The following KCNQ2 variants were observed in gnomAD, a reference collection of about 807,000 sequenced individuals.
KCNQ2 encodes the protein potassium voltage-gated channel subfamily Q member 2.
In KCNQ2, 14 loss-of-function variants were observed where a neutral mutation model predicts 84.8. The ratio of observed to expected loss-of-function variants is 0.17; its 90% CI spans 0.11 to 0.26. The LOEUF is 0.26. Ranked by LOEUF, KCNQ2 falls within the 10% of genes least tolerant of loss-of-function variation. The pLI, the probability that KCNQ2 is intolerant of heterozygous loss-of-function variation, is 1.00. For synonymous variants in KCNQ2, 599 were observed against 554.1 expected (o/e 1.08, Z -1.14); for missense variants, 788 against 1,254.0 (o/e 0.63, Z 5.61).
intron 12 of KCNQ2, among the ~76,000 whole-genome samples, chr20:63,418,551 C>T (rs907841330): frequency 1.3e-5 from 2 of 152,160 alleles, no homozygotes; most frequent in Non-Finnish European, 2.9e-5. Context: ...GGGCTCCCAC[C>T]CCCACTTTCA....
Position 63,459,457 on chromosome 20 carries a change from A to G in KCNQ2, c.297-12620T>C, listed in dbSNP as rs1425705178. On this transcript the variant is annotated intron_variant, in intron 1 of 16. Transcript: ENST00000359125. ...AGTCCAGGAGGTCCAGGCTGCAGTG[A>G]GCTGTGATTGAGACACTGCACTCCA... is the stretch of plus-strand genomic sequence containing the variant. 3 of 152,242 alleles carry G rather than the reference A, an allele frequency of 2.0e-5. No homozygotes were observed. In the East Asian group the frequency reaches 5.8e-4, roughly 29 times the overall value. 9.4% of individuals were successfully genotyped at this position (152,242 alleles called of 1,614,324 possible). A position where few individuals can be genotyped will look rare whatever the true frequency, so the allele number is the denominator to read the frequency against.
At chr20:63,420,595 C>G (rs187846768) in intron 11 of KCNQ2, among the ~76,000 whole-genome samples, 60 of 152,270 alleles carry the variant, frequency 3.9e-4, no homozygotes, top group African/African-American at 1.3e-3. Context: ...CTCCCGTCTT[C>G]CTGCGCACAC....
At chr20:63,421,590 C>G (rs934681275) in intron 11 of KCNQ2, among the ~76,000 whole-genome samples, 1 of 152,170 alleles carries the variant, frequency 6.6e-6, no homozygotes, top group Non-Finnish European at 1.5e-5. Flanking sequence ...ACAGTGAGCT[C>G]GAGACCCACA....
intron 12 of KCNQ2, among the ~76,000 whole-genome samples, chr20:63,418,381 G>C (rs2080364523): frequency 6.6e-6 from 1 of 152,208 alleles, no homozygotes. Context: ...GTGAAATTCA[G>C]ATGTGCGGTG....
intron 1 of KCNQ2, among the ~76,000 whole-genome samples, chr20:63,458,005 G>A (rs978086389): frequency 1.3e-5 from 2 of 152,120 alleles, no homozygotes; most frequent in African/African-American, 4.8e-5. Flanking sequence ...CAGACCACAG[G>A]TGCTGGACAG....
chr20:63,442,686 T>TCACCACCAC (rs1568933748), intron 4 of KCNQ2, among the ~76,000 whole-genome samples, 155 bp from the exon 5 acceptor site: 2 of 17,152 alleles, frequency 1.2e-4, no homozygotes, highest in East Asian at 1.6e-3. Flanking sequence ...ACCACCACCA[T>TCACCACCAC]CACCATCACC....
chr20:63,427,413 G>A (rs913815991), intron 10 of KCNQ2, among the ~76,000 whole-genome samples: 4 of 152,250 alleles, frequency 2.6e-5, no homozygotes, highest in African/African-American at 9.6e-5. Context: ...AGCCGCACGC[G>A]GCTCCCGGTA....
rs2079948649 is a variant in KCNQ2 at position 63,406,766 on chromosome 20, A to G, written c.2497T>C (p.Tyr833His). 1 of 1,612,478 alleles carries G rather than the reference A, an allele frequency of 6.2e-7. No homozygotes were observed. Among genetic ancestry groups the G allele is most frequent in the South Asian group, 1.1e-5 (1 of 91,034 alleles). ...GTGTCTGACTCTCCCTCCGCAATGT[A>G]GGGCCTGACTTTGGCACAAGGCGCC... ...AVAPCAKVRP[Y>H]IAEGESDTDS... Residue 833 changes from tyrosine (Y) to histidine (H), a missense_variant, in exon 17 of 17, where the codon TAC becomes CAC. Tyr to His is a moderately conservative substitution (Grantham distance 83, BLOSUM62 2). Transcript: ENST00000359125.
chr20:63,420,500 C>A (rs955189749), intron 11 of KCNQ2, among the ~76,000 whole-genome samples: 3 of 149,504 alleles, frequency 2.0e-5, no homozygotes, highest in Admixed American at 6.7e-5. Flanking sequence ...TGAGACAGCA[C>A]TTCTCAAACT....
At chr20:63,424,266 C>T in intron 10 of KCNQ2, 60 bp from the exon 11 acceptor site, 1 of 1,537,538 alleles carries the variant, frequency 6.5e-7, no homozygotes, top group African/African-American at 1.4e-5. Context: ...GAGGGTCCCC[C>T]AACCAGTCCA....
intron 4 of KCNQ2, among the ~76,000 whole-genome samples, 185 bp from the exon 5 acceptor site, chr20:63,442,716 CCACCACCAT>C (rs2081215924): frequency 1.8e-5 from 1 of 56,466 alleles, no homozygotes; most frequent in Non-Finnish European, 3.4e-5. Flanking sequence ...ATCACCACCA[CCACCACCAT>C]CATCACCACC....
chr20:63,436,837 C>T (rs2081025343), intron 7 of KCNQ2, among the ~76,000 whole-genome samples: 1 of 136,042 alleles, frequency 7.4e-6, no homozygotes, highest in Non-Finnish European at 1.5e-5. Flanking sequence ...AATGCAGTGG[C>T]GCAATCTCGG....
chr20:63,435,011 G>A (rs1340911417), intron 7 of KCNQ2, among the ~76,000 whole-genome samples: 1 of 152,156 alleles, frequency 6.6e-6, no homozygotes, highest in Non-Finnish European at 1.5e-5. Flanking sequence ...AGAAACAACC[G>A]AACTGCTTTC....
chr20:63,405,935 C>A lies in KCNQ2; in HGVS notation c.*709G>T, dbSNP rs1028533555. On this transcript the variant is annotated 3_prime_UTR_variant, in exon 17 of 17. Coordinates refer to ENST00000359125, the MANE Select transcript of KCNQ2 (RefSeq NM_172107.4). ...AAGACCAGAGGGCTGGACGTCCACT[C>A]TGGCTCCAGTTTGGTTCCCAGGCCC... The A allele has an allele frequency of 6.6e-6, 1 of 152,230 alleles. No individual in the cohort carries two copies. Among genetic ancestry groups the A allele is most frequent in the Admixed American group, 6.5e-5 (1 of 15,288 alleles). 9.4% of individuals were successfully genotyped at this position (152,230 alleles called of 1,614,324 possible).
chr20:63,410,769 C>T (rs928595345), intron 15 of KCNQ2, among the ~76,000 whole-genome samples: 22 of 152,216 alleles, frequency 1.4e-4, no homozygotes, highest in East Asian at 1.9e-4. Context: ...TCACCCCAGA[C>T]GCCGTCCCCA....
At chr20:63,464,704 C>A (rs1406652890) in intron 1 of KCNQ2, among the ~76,000 whole-genome samples, 1 of 152,242 alleles carries the variant, frequency 6.6e-6, no homozygotes, top group Non-Finnish European at 1.5e-5. Context: ...CAGGAAAAGG[C>A]TCCCAGAATC....
intron 8 of KCNQ2, among the ~76,000 whole-genome samples, chr20:63,431,622 A>AG (rs2080789819): frequency 6.6e-6 from 1 of 151,862 alleles, no homozygotes; most frequent in South Asian, 2.1e-4. Flanking sequence ...CAGGAGGTGC[A>AG]GGGGGGATGG....
intron 1 of KCNQ2, among the ~76,000 whole-genome samples, chr20:63,450,580 T>TGGGGGAAGACCTGCTGGGGGGA (rs2081584558): frequency 2.8e-5 from 1 of 36,208 alleles, no homozygotes; most frequent in African/African-American, 1.1e-4. Context: ...CTGCTGGGGG[T>TGGGGGAAGACCTGCTGGGGGGA]GGGGGAAGCC....
chr20:63,413,042 C>A (rs2080168665), intron 15 of KCNQ2, among the ~76,000 whole-genome samples: 1 of 152,166 alleles, frequency 6.6e-6, no homozygotes, highest in Admixed American at 6.5e-5. Context: ...CCATCCCCAA[C>A]ACACATGCAC....
Sources: gnomAD v4.1 joint callset for allele counts (sites outside exome capture counted in the v4.1 genomes callset) on GRCh38, gnomAD v4.1.1 for gene constraint, MANE v1.5 for transcripts, NCBI Gene and HGNC (gene_info 2026-07-23, HGNC 2026-07-21) for gene names.